SYNDIG1: variants seen among roughly 807,000 people sequenced by gnomAD.
SYNDIG1 encodes the protein synapse differentiation inducing 1.
SYNDIG1 carries 9 observed loss-of-function variants against 19.4 expected under a neutral mutation model. That is an observed-to-expected ratio of 0.46 (90% CI 0.28 to 0.81). The LOEUF (loss-of-function observed/expected upper bound fraction) is 0.81, where lower values mean the gene tolerates loss of function less well. SYNDIG1 is among the 30% of genes least tolerant of loss of function. SYNDIG1 has a pLI of 0.12. For missense variants in SYNDIG1, 311 were observed against 343.3 expected (o/e 0.91, Z 0.74); for synonymous variants, 141 against 145.9 (o/e 0.97, Z 0.24).
At chr20:24,523,393 G>A (rs1328077162) in intron 1 of SYNDIG1, among the ~76,000 whole-genome samples, 1 of 152,208 alleles carries the variant, frequency 6.6e-6, no homozygotes, top group Non-Finnish European at 1.5e-5. Flanking sequence ...CAACAATGAT[G>A]TCAACTTGGT....
chr20:24,617,561 T>A (rs1207980804), intron 3 of SYNDIG1, among the ~76,000 whole-genome samples: 1 of 152,150 alleles, frequency 6.6e-6, no homozygotes, highest in Non-Finnish European at 1.5e-5. Flanking sequence ...CTCCTCCTTC[T>A]GCGAAGGGGC....
At chr20:24,477,576 C>T (rs1377504442) in intron 1 of SYNDIG1, among the ~76,000 whole-genome samples, 1 of 152,150 alleles carries the variant, frequency 6.6e-6, no homozygotes, top group Non-Finnish European at 1.5e-5. Flanking sequence ...GATCAGAGAG[C>T]CAAGCTGTAA....
chr20:24,579,295 G>A (rs995956860), intron 2 of SYNDIG1, among the ~76,000 whole-genome samples: 70 of 152,218 alleles, frequency 4.6e-4, no homozygotes, highest in Non-Finnish European at 4.0e-4. Context: ...CTGTTAAAAT[G>A]ACTGTTTTCG....
chr20:24,568,394 C>T (rs1458175445), intron 2 of SYNDIG1, among the ~76,000 whole-genome samples: 1 of 152,134 alleles, frequency 6.6e-6, no homozygotes, highest in Non-Finnish European at 1.5e-5. Flanking sequence ...ATCTGTCTGT[C>T]GTGAGCATGG....
chr20:24,487,078 G>A (rs568898592), intron 1 of SYNDIG1, among the ~76,000 whole-genome samples: 15 of 151,140 alleles, frequency 9.9e-5, no homozygotes, highest in African/African-American at 3.7e-4. Flanking sequence ...ATGTGGGGTG[G>A]GGGGTATTTG....
At chr20:24,659,679 G>A (rs534578540) in intron 3 of SYNDIG1, among the ~76,000 whole-genome samples, 2 of 152,308 alleles carry the variant, frequency 1.3e-5, no homozygotes, top group East Asian at 3.9e-4. Context: ...AGGGAGAGGT[G>A]GGGAGAGGCC....
chr20:24,476,880 CT>C (rs1412427733), intron 1 of SYNDIG1, among the ~76,000 whole-genome samples: 1 of 152,132 alleles, frequency 6.6e-6, no homozygotes, highest in Non-Finnish European at 1.5e-5. Flanking sequence ...CATCTCTGTC[CT>C]TCTGCCATCT....
At chr20:24,607,625 C>T (rs1027159284) in intron 3 of SYNDIG1, among the ~76,000 whole-genome samples, 1 of 152,200 alleles carries the variant, frequency 6.6e-6, no homozygotes, top group Non-Finnish European at 1.5e-5. Context: ...CGGCCTCGGG[C>T]TCCCCCTCTC....
intron 1 of SYNDIG1, among the ~76,000 whole-genome samples, chr20:24,500,821 G>T (rs1353676484): frequency 1.3e-5 from 2 of 152,066 alleles, no homozygotes; most frequent in East Asian, 3.9e-4. Context: ...ATTTATATTT[G>T]GAAGCATGTA....
At chr20:24,553,825 T>C (rs1324129791) in intron 2 of SYNDIG1, among the ~76,000 whole-genome samples, 3 of 152,030 alleles carry the variant, frequency 2.0e-5, no homozygotes, top group African/African-American at 7.2e-5. Context: ...TTTAAAGTAG[T>C]TTTTTTCCAA....
intron 1 of SYNDIG1, among the ~76,000 whole-genome samples, chr20:24,526,904 C>T (rs543125508): frequency 6.6e-6 from 1 of 152,070 alleles, no homozygotes; most frequent in South Asian, 2.1e-4. Context: ...ATGTGTCTTG[C>T]CATTCTAGTT....
chr20:24,614,899 A>G (rs1392576613), intron 3 of SYNDIG1, among the ~76,000 whole-genome samples: 1 of 152,210 alleles, frequency 6.6e-6, no homozygotes, highest in Admixed American at 6.5e-5. Context: ...TATAGTTTGG[A>G]CCAGGTGCAG....
chr20:24,555,763 G>GA (rs962400191), intron 2 of SYNDIG1, among the ~76,000 whole-genome samples: 2 of 152,084 alleles, frequency 1.3e-5, no homozygotes, highest in African/African-American at 2.4e-5. Flanking sequence ...GTGTGGTGCT[G>GA]AAAAAAATGT....
At chr20:24,643,137 C>T (rs1202941687) in intron 3 of SYNDIG1, among the ~76,000 whole-genome samples, 4 of 152,182 alleles carry the variant, frequency 2.6e-5, no homozygotes, top group Middle Eastern at 3.4e-3. Flanking sequence ...ATACTGGTGC[C>T]TCCAACTCTA....
At chr20:24,470,311 G>T (rs1292728167) in intron 1 of SYNDIG1, among the ~76,000 whole-genome samples, 2 of 152,208 alleles carry the variant, frequency 1.3e-5, no homozygotes, top group African/African-American at 4.8e-5. Flanking sequence ...TCTCCGAGCG[G>T]AGCGGCAGGC....
chr20:24,591,697 G>T (rs1320118727), intron 3 of SYNDIG1, among the ~76,000 whole-genome samples: 1 of 152,178 alleles, frequency 6.6e-6, no homozygotes, highest in African/African-American at 2.4e-5. Flanking sequence ...GCACATAGTT[G>T]ACATCACACA....
chr20:24,560,382 T>A (rs930276205), intron 2 of SYNDIG1, among the ~76,000 whole-genome samples: 3 of 152,112 alleles, frequency 2.0e-5, no homozygotes, highest in Non-Finnish European at 4.4e-5. Context: ...TCCTTTAACA[T>A]TTTTCTTTCT....
At chr20:24,554,854 G>A (rs2057779569) in intron 2 of SYNDIG1, among the ~76,000 whole-genome samples, 1 of 151,548 alleles carries the variant, frequency 6.6e-6, no homozygotes, top group African/African-American at 2.4e-5. Context: ...TTTTTCTATT[G>A]ATTGGAATAG....
At chr20:24,490,471 T>G (rs1600416381) in intron 1 of SYNDIG1, among the ~76,000 whole-genome samples, 1 of 152,170 alleles carries the variant, frequency 6.6e-6, no homozygotes, top group African/African-American at 2.4e-5. Flanking sequence ...GGGCTAGGCA[T>G]AAAGAAGGTT....
Sources: allele counts gnomAD v4.1 joint callset (sites outside exome capture counted in the v4.1 genomes callset), GRCh38; gene constraint gnomAD v4.1.1; transcripts MANE v1.5; gene names NCBI Gene and HGNC (gene_info 2026-07-23, HGNC 2026-07-21).